The following C2CD5 variants were observed in gnomAD, a reference collection of about 807,000 sequenced individuals.
C2CD5 encodes C2 domain-containing protein 5.
A neutral mutation model predicts 130.3 loss-of-function variants in C2CD5; 109 were observed. The observed-to-expected ratio is 0.84, with a 90% CI of 0.72 to 0.98. The LOEUF (loss-of-function observed/expected upper bound fraction) is 0.98. C2CD5 is among the 50% of genes least tolerant of loss of function. The probability of loss-of-function intolerance (pLI) is 0.00; values close to 1 mark genes in which losing one functional copy is unlikely to be tolerated. For synonymous variants in C2CD5, 454 were observed against 429.2 expected (o/e 1.06, Z -0.71); for missense variants, 996 against 1,261.8 (o/e 0.79, Z 3.19).
chr12:22,451,389 C>T (rs372224438), intron 26 of C2CD5, among the ~76,000 whole-genome samples: 4 of 151,986 alleles, frequency 2.6e-5, no homozygotes, highest in South Asian at 2.1e-4. Context: ...CTGAGGGTCA[C>T]GTGTAAGAAT....
At position 22,449,830 on chromosome 12, in the gene C2CD5, T is replaced by C. The variant is rs1288056791; in HGVS notation, c.3086A>G (p.Glu1029Gly). The change falls in exon 27 of 27, where the codon GAA becomes GGA. Residue 1029 changes from glutamate to glycine, a missense_variant. Glu to Gly is a moderately conservative substitution (Grantham distance 98, BLOSUM62 -2). Around this residue, in one of 9 missense-constraint regions of C2CD5, gnomAD observed 48 missense variants for 46.4 expected, o/e 1.03. Coordinates refer to ENST00000446597, the MANE Select transcript of C2CD5 (RefSeq NM_001286176.2). ...AVVFVRESDL[E>G]VVSSQQPTTN... ...AGTAGGTTGCTGAGATGACACCACTTCTAAGTCAGATTCACGAACAAAAAC... is the reference window on the plus strand; with the variant it reads ...AGTAGGTTGCTGAGATGACACCACTCCTAAGTCAGATTCACGAACAAAAAC... The C allele has an allele frequency of 1.9e-6, 3 of 1,611,658 alleles. No homozygotes were observed. The Admixed American group carries it at 5.0e-5, about 27-fold the overall frequency.
At chr12:22,525,548 T>C (rs912502001) in intron 5 of C2CD5, 62 bp downstream of exon 5, 3 of 855,670 alleles carry the variant, frequency 3.5e-6, no homozygotes, top group Non-Finnish European at 6.0e-6. Flanking sequence ...AAATGTTAAC[T>C]TGATTTCTCA....
At position 22,502,858 on chromosome 12, in the gene C2CD5, A is replaced by G. The variant is rs572155327; in HGVS notation, c.1147+3853T>C. On this transcript the variant is annotated intron_variant, in intron 10 of 26. Transcript: ENST00000446597. ...CAGTTTTAGGTGCAGAATAGTAGGA[A>G]TAAAACAAAAAACACTACAAACAAG... is the stretch of plus-strand genomic sequence containing the variant. 2.7e-5 allele frequency: 27 copies of G among 1,008,250 alleles called. 2 individuals carry two copies. In the South Asian group the frequency reaches 3.2e-4, roughly 12 times the overall value. The allele number at this position is 1,008,250 out of a possible 1,614,324, so 62.5% of individuals were successfully genotyped here. A position where few individuals can be genotyped will look rare whatever the true frequency, so the allele number is the denominator to read the frequency against.
intron 4 of C2CD5, among the ~76,000 whole-genome samples, chr12:22,527,339 T>A (rs1950816512): frequency 6.8e-6 from 1 of 147,666 alleles, no homozygotes; most frequent in African/African-American, 2.5e-5. Flanking sequence ...TATTTTTTTT[T>A]TTTTTTTTTG....
At chr12:22,518,173 T>C (rs2136952588) in intron 7 of C2CD5, 36 bp from the exon 8 acceptor site, 8 of 1,604,776 alleles carry the variant, frequency 5.0e-6, no homozygotes, top group African/African-American at 1.3e-5. Context: ...TAAGTAATCA[T>C]GTGCCAAAGG....
intron 8 of C2CD5, 144 bp from the exon 9 acceptor site, chr12:22,513,523 A>G: frequency 1.6e-6 from 1 of 630,460 alleles, no homozygotes; most frequent in South Asian, 1.9e-5. Context: ...CAAATAAAGC[A>G]CATATTTTAC....
chr12:22,456,348 G>A lies in C2CD5; in HGVS notation c.2877+623C>T, dbSNP rs367605230. On this transcript the variant is annotated intron_variant, in intron 25 of 26. Coordinates refer to ENST00000446597, the MANE Select transcript of C2CD5 (RefSeq NM_001286176.2). ...CCTGTTCCTTAACATATGACACAAC[G>A]TAATTTTTTTAAGTTTAAATTCCTG... 5.4e-4 allele frequency among the ~76,000 whole-genome samples: 82 copies of A among 152,180 alleles called. 1 individual carries two copies. The highest frequency in any genetic ancestry group is 1.9e-3 in the African/African-American group (78 of 41,520).
chr12:22,539,721 T>C (rs1952163480), intron 2 of C2CD5, among the ~76,000 whole-genome samples: 1 of 151,988 alleles, frequency 6.6e-6, no homozygotes, highest in South Asian at 2.1e-4. Context: ...AGACCAGGTG[T>C]GGTGGCTCAT....
chr12:22,474,953 T>C (rs1046607558), intron 15 of C2CD5, 62 bp from the exon 16 acceptor site: 90 of 1,155,776 alleles, frequency 7.8e-5, no homozygotes, highest in African/African-American at 9.6e-5. Context: ...AAATTTTACA[T>C]CTTTATATTA....
chr12:22,482,936 G>T (rs1261763593), intron 13 of C2CD5, among the ~76,000 whole-genome samples, 193 bp from the exon 14 acceptor site: 1 of 151,880 alleles, frequency 6.6e-6, no homozygotes, highest in Non-Finnish European at 1.5e-5. Context: ...TTCATAACAG[G>T]TACAAAAAAA....
chr12:22,465,927 C>T (rs1374860159), intron 22 of C2CD5, among the ~76,000 whole-genome samples: 1 of 151,762 alleles, frequency 6.6e-6, no homozygotes, highest in Non-Finnish European at 1.5e-5. Flanking sequence ...AAGGTAACAC[C>T]AAATCAACCA....
At chr12:22,469,063 T>G (rs564932463) in intron 22 of C2CD5, among the ~76,000 whole-genome samples, 4 of 152,172 alleles carry the variant, frequency 2.6e-5, no homozygotes, top group Non-Finnish European at 5.9e-5. Context: ...ATAAAAATCA[T>G]ACTAAAATCA....
In C2CD5 at chr12:22,458,548, G is replaced by T. The variant is rs758050842; in HGVS notation, c.2622C>A (p.Cys874Ter). ...SVDYSSFADR[C>*]SSWIELIKLK... The stretch of plus-strand genomic sequence containing the variant: ...GTTTAATGAGCTCTATCCAGCTGCT[G>T]CATCTGTCTGCAAAGGAACTGTAAT... The change falls in exon 24 of 27, where the codon TGC (cysteine) becomes TGA (stop). Residue 874 changes from cysteine (C) to a stop codon, truncating the protein, a stop_gained. Coordinates refer to ENST00000446597, the MANE Select transcript of C2CD5 (RefSeq NM_001286176.2). LOFTEE classifies it high-confidence loss of function. 44 of 1,301,574 alleles carry T rather than the reference G, an allele frequency of 3.4e-5. No homozygotes were observed. Among genetic ancestry groups the T allele is most frequent in the Non-Finnish European group, 4.1e-5 (42 of 1,022,948 alleles). The allele number at this position is 1,301,574 out of a possible 1,614,324, so 80.6% of individuals were successfully genotyped here.
chr12:22,476,958 G>T (rs1943931714), intron 15 of C2CD5, among the ~76,000 whole-genome samples: 1 of 152,034 alleles, frequency 6.6e-6, no homozygotes, highest in Non-Finnish European at 1.5e-5. Flanking sequence ...TAAGCAGTCA[G>T]TAGAGTGGTG....
chr12:22,506,031 G>A (rs1415984553), intron 10 of C2CD5, among the ~76,000 whole-genome samples: 1 of 147,954 alleles, frequency 6.8e-6, no homozygotes, highest in Non-Finnish European at 1.5e-5. Context: ...GGTGGCCGTG[G>A]TCAAAGACAG....
Position 22,454,004 on chromosome 12 carries a change from A to T in C2CD5, c.2916T>A (p.Ala972=). Residue 972 remains alanine (A), a synonymous_variant, in exon 26 of 27, where the codon GCT becomes GCA. Transcript: ENST00000446597. ...GVSGFLHAFI[A]EVFAMVRAHV... ...GAGCTCTCACCATTGCAAACACTTC[A>T]GCAATAAAAGCATGGAGAAAACCAC... 6.2e-7 allele frequency: 1 copy of T among 1,613,686 alleles called. No homozygotes were observed. The highest frequency in any genetic ancestry group is 1.1e-5 in the South Asian group (1 of 91,076).
At chr12:22,463,465 A>G (rs891892752) in intron 22 of C2CD5, 3 of 151,422 alleles carry the variant, frequency 2.0e-5, no homozygotes, top group African/African-American at 7.3e-5. Flanking sequence ...GATTGGTGCC[A>G]TTATAAAAAG....
rs1353630976 is a variant in C2CD5 at position 22,515,536 on chromosome 12, C to T, written c.953-2157G>A. Among the ~76,000 whole-genome samples the T allele has an allele frequency of 3.9e-5, 6 of 152,098 alleles. No homozygotes were observed. The East Asian group carries it at 9.6e-4, about 24-fold the overall frequency. ...CAAATTTTTAGAGCCAGACTTGCTG[C>T]CTAAAATATAAACACTTATTTAAAG... On this transcript the variant is annotated intron_variant, in intron 8 of 26. Transcript: ENST00000446597.
intron 3 of C2CD5, among the ~76,000 whole-genome samples, chr12:22,530,644 A>G (rs1009066490): frequency 1.3e-5 from 2 of 151,698 alleles, no homozygotes; most frequent in African/African-American, 2.4e-5. Context: ...TTTAGTAGAG[A>G]CGGGGTTTCA....
Sources: allele counts gnomAD v4.1 joint callset (sites outside exome capture counted in the v4.1 genomes callset), GRCh38; gene constraint gnomAD v4.1.1; regional missense constraint gnomAD v4.1.1; transcripts MANE v1.5; gene names NCBI Gene and HGNC (gene_info 2026-07-23, HGNC 2026-07-21).